CS: variants seen among roughly 807,000 people sequenced by gnomAD.
CS encodes the protein citrate synthase, mitochondrial.
Under a neutral mutation model 61.4 loss-of-function variants are expected in CS, and 13 were observed. The observed-to-expected ratio is 0.21, with a 90% CI of 0.14 to 0.34. The LOEUF is 0.34. CS is among the 10% of genes least tolerant of loss of function. The pLI is 1.00. For synonymous variants in CS, 159 were observed against 215.2 expected (o/e 0.74, Z 2.29); for missense variants, 278 against 573.4 (o/e 0.48, Z 5.26).
intron 3 of CS, among the ~76,000 whole-genome samples, chr12:56,284,952 T>C (rs921762482): frequency 4.0e-5 from 6 of 151,672 alleles, no homozygotes; most frequent in African/African-American, 1.5e-4. Flanking sequence ...GCTGATCTTT[T>C]TTTTTTTCCC....
intron 1 of CS, among the ~76,000 whole-genome samples, chr12:56,288,315 G>T (rs528632496): frequency 6.6e-6 from 1 of 151,066 alleles, no homozygotes; most frequent in Non-Finnish European, 1.5e-5. Flanking sequence ...TGCCTGGGGT[G>T]AGAGTTCTAT....
At chr12:56,276,242 AAAG>A in intron 6 of CS, 47 bp from the exon 7 acceptor site, 1 of 1,582,558 alleles carries the variant, frequency 6.3e-7, no homozygotes, top group Non-Finnish European at 8.7e-7. Flanking sequence ...AATTATCAGC[AAAG>A]AAGAATTAGG....
chr12:56,291,368 C>A, intron 1 of CS: 1 of 731,220 alleles, frequency 1.4e-6, no homozygotes, highest in South Asian at 4.7e-5. Flanking sequence ...TTTTTTTTAA[C>A]AGGCATCAAG....
intron 1 of CS, among the ~76,000 whole-genome samples, chr12:56,289,046 A>C (rs1873032803): frequency 6.6e-6 from 1 of 152,148 alleles, no homozygotes; most frequent in African/African-American, 2.4e-5. Flanking sequence ...GCAAACGAGG[A>C]ACACCTCAAC....
At chr12:56,284,485 T>C (rs1428730458) in intron 3 of CS, among the ~76,000 whole-genome samples, 2 of 151,932 alleles carry the variant, frequency 1.3e-5, no homozygotes, top group Non-Finnish European at 2.9e-5. Flanking sequence ...AATCACGGCT[T>C]ACTGCAGCCT....
At chr12:56,273,281 CA>C in intron 10 of CS, 27 bp from the exon 11 acceptor site, 1 of 1,607,742 alleles carries the variant, frequency 6.2e-7, no homozygotes, top group Non-Finnish European at 8.5e-7. Context: ...AAAAATATTT[CA>C]TTTAAGGCAG....
Position 56,276,109 on chromosome 12 carries a change from G to A in CS, c.675C>T (p.Ser225=), listed in dbSNP as rs1214426651. Reference sequence around the variant, plus strand: ...GGTTAGAGTCAATGGCCCCAATACCGCTGCCTTCTCTGTAGAGATTTCGGT... The same window carrying A: ...GGTTAGAGTCAATGGCCCCAATACCACTGCCTTCTCTGTAGAGATTTCGGT... ...KIYRNLYREG[S]GIGAIDSNLD... The change falls in exon 7 of 11, where the codon AGC becomes AGT. Residue 225 remains serine (S), a synonymous_variant. Transcript: ENST00000351328. 38 of 1,613,964 alleles carry A rather than the reference G, an allele frequency of 2.4e-5. No individual in the cohort carries two copies. The highest frequency in any genetic ancestry group is 3.3e-5 in the Admixed American group (2 of 59,974).
intron 6 of CS, among the ~76,000 whole-genome samples, chr12:56,280,435 A>AC (rs1872747261): frequency 1.3e-5 from 2 of 148,828 alleles, no homozygotes; most frequent in South Asian, 2.1e-4. Context: ...CAAAAAAAAA[A>AC]AACAAAAAAA....
At chr12:56,293,717 A>G (rs1873206361) in intron 1 of CS, among the ~76,000 whole-genome samples, 1 of 152,210 alleles carries the variant, frequency 6.6e-6, no homozygotes, top group South Asian at 2.1e-4. Flanking sequence ...CCGTCTCAAA[A>G]TAATAATACT....
Position 56,272,935 on chromosome 12 carries a change from A to G in CS, c.*149T>C. Reference sequence around the variant, plus strand: ...GAAGGGACCATTTTTCATCTTTTAAAGTCTTAATTTATATTTTAACCTCAA... The same window carrying G: ...GAAGGGACCATTTTTCATCTTTTAAGGTCTTAATTTATATTTTAACCTCAA... On this transcript the variant is annotated 3_prime_UTR_variant, in exon 11 of 11. Coordinates refer to ENST00000351328, the MANE Select transcript of CS (RefSeq NM_004077.3). The G allele has an allele frequency of 3.2e-6, 2 of 627,734 alleles. No individual in the cohort carries two copies. Among genetic ancestry groups the G allele is most frequent in the South Asian group, 4.1e-5 (2 of 48,232 alleles). The allele number at this position is 627,734 out of a possible 1,614,324, so 38.9% of individuals were successfully genotyped here.
At chr12:56,293,581 G>C (rs1290227306) in intron 1 of CS, among the ~76,000 whole-genome samples, 1 of 152,122 alleles carries the variant, frequency 6.6e-6, no homozygotes, top group Non-Finnish European at 1.5e-5. Flanking sequence ...GCCAGGCGTG[G>C]TGGCACATGC....
Position 56,275,076 on chromosome 12 carries a change from G to C in CS, c.844C>G (p.Leu282Val). The change falls in exon 8 of 11, where the codon CTT becomes GTT. Residue 282 changes from leucine to valine, a missense_variant. By Grantham distance (32) the Leu-to-Val change is conservative (BLOSUM62 1). Coordinates refer to ENST00000351328, the MANE Select transcript of CS (RefSeq NM_004077.3). ...GCAAAGGACAGGTAAGGGTCGGAAA[G>C]GGCACTGCCCACCAAATGGCTGGTA... is the stretch of plus-strand genomic sequence containing the variant. ...AHTSHLVGSA[L>V]SDPYLSFAAA... The C allele has an allele frequency of 6.2e-7, 1 of 1,614,228 alleles. No homozygotes were observed. The highest frequency in any genetic ancestry group is 1.1e-5 in the South Asian group (1 of 91,090).
chr12:56,277,076 C>T (rs190782859), intron 6 of CS, among the ~76,000 whole-genome samples: 40 of 151,706 alleles, frequency 2.6e-4, no homozygotes, highest in Middle Eastern at 3.4e-3. Flanking sequence ...TGTGGGCCGG[C>T]GCCTATAATC....
chr12:56,276,876 AC>A (rs767839242), intron 6 of CS, among the ~76,000 whole-genome samples: 16 of 152,134 alleles, frequency 1.1e-4, no homozygotes, highest in Non-Finnish European at 1.8e-4. Context: ...TTTTCACTAC[AC>A]CATGACTTGA....
intron 7 of CS, 152 bp downstream of exon 7, chr12:56,275,844 C>T: frequency 3.0e-6 from 2 of 666,496 alleles, no homozygotes; most frequent in Admixed American, 2.7e-5. Context: ...CTTACTAGAC[C>T]CCTTTCTTGC....
At chr12:56,299,548 G>A (rs528610371) in intron 1 of CS, among the ~76,000 whole-genome samples, 83 of 152,250 alleles carry the variant, frequency 5.5e-4, no homozygotes, top group African/African-American at 2.0e-3. Flanking sequence ...GTACAGAAGT[G>A]CTCCACCCCA....
chr12:56,285,287 T>G (rs760080453), intron 3 of CS: 1 of 439,452 alleles, frequency 2.3e-6, no homozygotes. Flanking sequence ...CTATCTTTCT[T>G]TTTGTTTGTT....
chr12:56,289,227 C>T (rs1873037608), intron 1 of CS, among the ~76,000 whole-genome samples: 1 of 152,120 alleles, frequency 6.6e-6, no homozygotes, highest in African/African-American at 2.4e-5. Flanking sequence ...TGTAACTTTG[C>T]CCTTTCTTTC....
Position 56,273,703 on chromosome 12 carries a change from G to A in CS, c.1114C>T (p.Pro372Ser). The A allele has an allele frequency of 1.2e-6, 2 of 1,614,124 alleles. No homozygotes were observed. Among genetic ancestry groups the A allele is most frequent in the South Asian group, 1.1e-5 (1 of 91,084 alleles). Residue 372 changes from proline to serine, a missense_variant, in exon 10 of 11, where the codon CCC becomes TCC. Physicochemically the swap from Pro to Ser is moderately conservative, Grantham distance 74. Around this residue, in one of 2 missense-constraint regions of CS, gnomAD observed 223 missense variants for 503.5 expected, o/e 0.44. Coordinates refer to ENST00000351328, the MANE Select transcript of CS (RefSeq NM_004077.3). ...EFALKHLPNDPMFKLVAQLYK... is the reference protein window; with the variant it reads ...EFALKHLPNDSMFKLVAQLYK... ...AGCTGAGCAACCAACTTAAACATGGGGTCATTAGGCAGGTGTTTCAGAGCA... is the reference window on the plus strand; with the variant it reads ...AGCTGAGCAACCAACTTAAACATGGAGTCATTAGGCAGGTGTTTCAGAGCA...
Sources: allele counts gnomAD v4.1 joint callset (sites outside exome capture counted in the v4.1 genomes callset), GRCh38; gene constraint gnomAD v4.1.1; regional missense constraint gnomAD v4.1.1; transcripts MANE v1.5; gene names NCBI Gene and HGNC (gene_info 2026-07-23, HGNC 2026-07-21).